NEDD4L: variants seen among roughly 807,000 people sequenced by gnomAD.
The protein encoded by NEDD4L is NEDD4 like E3 ubiquitin protein ligase, also known as E3 ubiquitin-protein ligase NEDD4-like.
A neutral mutation model predicts 148.9 loss-of-function variants in NEDD4L; 54 were observed. That is an observed-to-expected ratio of 0.36 (90% CI 0.29 to 0.45). The LOEUF (loss-of-function observed/expected upper bound fraction) is 0.45. Ranked by LOEUF, NEDD4L falls within the 20% of genes least tolerant of loss-of-function variation. The probability of loss-of-function intolerance (pLI) is 1.00; values close to 1 mark genes in which losing one functional copy is unlikely to be tolerated. For synonymous variants in NEDD4L, 433 were observed against 440.7 expected, an observed-to-expected ratio of 0.98 and a Z score of 0.22; for missense variants, 856 against 1,233.8, an observed-to-expected ratio of 0.69 and a Z score of 4.59.
intron 1 of NEDD4L, among the ~76,000 whole-genome samples, chr18:58,136,650 G>T (rs1040014052): frequency 2.0e-5 from 3 of 152,182 alleles, no homozygotes; most frequent in African/African-American, 7.2e-5. Flanking sequence ...CAGGTTTAAG[G>T]TCAAAGAAAA....
chr18:58,094,900 T>TA (rs1555689599), intron 1 of NEDD4L, among the ~76,000 whole-genome samples: 5,167 of 129,480 alleles, frequency 0.04, 291 homozygotes, highest in African/African-American at 0.13. Context: ...AAAGAGCACT[T>TA]AAAAAAAAAA....
chr18:58,279,006 G>T (rs1489244448), intron 5 of NEDD4L, among the ~76,000 whole-genome samples: 3 of 151,988 alleles, frequency 2.0e-5, no homozygotes, highest in Admixed American at 6.6e-5. Flanking sequence ...CAAGTAGCCG[G>T]GATTATAGGC....
chr18:58,361,965 T>C (rs1383547074), intron 19 of NEDD4L, among the ~76,000 whole-genome samples: 5 of 152,194 alleles, frequency 3.3e-5, no homozygotes, highest in Non-Finnish European at 1.5e-5. Context: ...GTTGGAAAGT[T>C]TTCAGGAAGA....
intron 1 of NEDD4L, among the ~76,000 whole-genome samples, chr18:58,063,556 C>T (rs1184613963): frequency 1.4e-5 from 2 of 146,168 alleles, no homozygotes; most frequent in African/African-American, 2.5e-5. Context: ...CAATTAGTCA[C>T]GAGATAGTAC....
chr18:58,390,801 C>T, intron 29 of NEDD4L, 59 bp downstream of exon 29: 1 of 1,285,156 alleles, frequency 7.8e-7, no homozygotes, highest in Non-Finnish European at 1.1e-6. Context: ...CAGGCATGAA[C>T]TCTGGCCCAA....
At chr18:58,230,414 C>CTTTTTTTTTTTTTTTTTTTTTTTTTTTT (rs66531634) in intron 2 of NEDD4L, among the ~76,000 whole-genome samples, 2 of 146,182 alleles carry the variant, frequency 1.4e-5, no homozygotes. Flanking sequence ...TGTGAAGCTT[C>CTTTTTTTTTTTTTTTTTTTTTTTTTTTT]TTCTTTTTTT....
intron 1 of NEDD4L, among the ~76,000 whole-genome samples, chr18:58,147,722 C>T (rs925689013): frequency 2.0e-5 from 3 of 152,064 alleles, no homozygotes; most frequent in East Asian, 1.9e-4. Flanking sequence ...GTGTATTTGC[C>T]GATTCTATAT....
At position 58,289,138 on chromosome 18, in the gene NEDD4L, T is replaced by A. The variant is rs1322782129; in HGVS notation, c.298-26844T>A. On this transcript the variant is annotated intron_variant, in intron 5 of 30. Transcript: ENST00000400345. ...TTCAGTGACAAGAGTGCCAGATGAG[T>A]CATGAATGTTTTCACAAGTAAATTT... 3.3e-5 allele frequency among the ~76,000 whole-genome samples: 5 copies of A among 152,144 alleles called. No homozygotes were observed. The East Asian group carries it at 5.8e-4, about 18-fold the overall frequency.
At chr18:58,229,581 A>G (rs986991139) in intron 2 of NEDD4L, among the ~76,000 whole-genome samples, 4 of 152,348 alleles carry the variant, frequency 2.6e-5, no homozygotes, top group Non-Finnish European at 4.4e-5. Flanking sequence ...CTGCACAAAA[A>G]TTTGAGGTTA....
In NEDD4L at chr18:58,111,047, C is replaced by A. The variant is rs185403975; in HGVS notation, c.49-54741C>A. Among the ~76,000 whole-genome samples, 31 of 152,278 alleles carry A rather than the reference C, an allele frequency of 2.0e-4. No homozygotes were observed. In the East Asian group the frequency reaches 2.7e-3, roughly 13 times the overall value. ...TTTTATTATATTCAACGTTGTGCAA[C>A]CATCATTATGATGTTAATTTTTTTG... On this transcript the variant is annotated intron_variant, in intron 1 of 30. Transcript: ENST00000400345.
chr18:58,073,565 A>G (rs1374954174), intron 1 of NEDD4L, among the ~76,000 whole-genome samples: 1 of 152,262 alleles, frequency 6.6e-6, no homozygotes, highest in Non-Finnish European at 1.5e-5. Context: ...AGATAAATGC[A>G]TGGATGAACC....
intron 5 of NEDD4L, among the ~76,000 whole-genome samples, chr18:58,293,132 C>T (rs563978683): frequency 1.3e-5 from 2 of 152,314 alleles, no homozygotes; most frequent in African/African-American, 2.4e-5. Context: ...CAAGAGGAAA[C>T]TTGTATAATA....
intron 1 of NEDD4L, among the ~76,000 whole-genome samples, chr18:58,074,226 G>T (rs1269875820): frequency 6.6e-6 from 1 of 150,766 alleles, no homozygotes; most frequent in Non-Finnish European, 1.5e-5. Flanking sequence ...CTTGTATTCT[G>T]TCATTTTGCT....
chr18:58,260,798 C>T (rs2049268337), intron 5 of NEDD4L, among the ~76,000 whole-genome samples: 1 of 152,132 alleles, frequency 6.6e-6, no homozygotes, highest in Non-Finnish European at 1.5e-5. Flanking sequence ...TGGTGTCTTG[C>T]AGCACTGGCC....
intron 2 of NEDD4L, among the ~76,000 whole-genome samples, chr18:58,217,928 G>T (rs1387168953): frequency 6.6e-6 from 1 of 152,118 alleles, no homozygotes; most frequent in African/African-American, 2.4e-5. Context: ...TTTTAAAAAC[G>T]TACTTTTCGA....
chr18:58,165,552 G>A (rs1334933036), intron 1 of NEDD4L: 1 of 623,170 alleles, frequency 1.6e-6, no homozygotes, highest in Non-Finnish European at 2.0e-6. Context: ...GACTTACTTT[G>A]AATTAAACTT....
chr18:58,113,081 C>T (rs536526568), intron 1 of NEDD4L, among the ~76,000 whole-genome samples: 14 of 152,328 alleles, frequency 9.2e-5, no homozygotes, highest in Admixed American at 5.9e-4. Flanking sequence ...TCTTGGACTT[C>T]CCAGCCTCCA....
chr18:58,240,969 C>A (rs916076198), intron 2 of NEDD4L, among the ~76,000 whole-genome samples: 1 of 152,072 alleles, frequency 6.6e-6, no homozygotes, highest in Non-Finnish European at 1.5e-5. Context: ...ACCACCACAC[C>A]CAGCTAATTT....
chr18:58,206,036 A>G (rs562743982), intron 2 of NEDD4L, among the ~76,000 whole-genome samples: 6 of 152,300 alleles, frequency 3.9e-5, no homozygotes, highest in South Asian at 2.1e-4. Context: ...CTTAATTGCA[A>G]TAAAGCTATT....
Sources: allele counts gnomAD v4.1 joint callset (sites outside exome capture counted in the v4.1 genomes callset), GRCh38; gene constraint gnomAD v4.1.1; transcripts MANE v1.5; gene names NCBI Gene and HGNC (gene_info 2026-07-23, HGNC 2026-07-21).